Variants in GOLPH3 observed in about 807,000 individuals in gnomAD.
The protein encoded by GOLPH3 is coat protein GPP34.
A neutral mutation model predicts 28.5 loss-of-function variants in GOLPH3; 14 were observed. The observed-to-expected ratio is 0.49, with a 90% CI of 0.32 to 0.77. GOLPH3 has a LOEUF of 0.77. GOLPH3 is among the 30% of genes least tolerant of loss of function. The pLI is 0.03. For missense variants in GOLPH3, 350 were observed against 393.7 expected (o/e 0.89, Z 0.94); for synonymous variants, 158 against 159.2 (o/e 0.99, Z 0.06).
intron 1 of GOLPH3, among the ~76,000 whole-genome samples, chr5:32,171,034 C>A (rs1746822369): frequency 6.6e-6 from 1 of 152,090 alleles, no homozygotes; most frequent in Non-Finnish European, 1.5e-5. Flanking sequence ...ATAAACAGAA[C>A]ACATGGTTTC....
intron 3 of GOLPH3, among the ~76,000 whole-genome samples, 196 bp downstream of exon 3, chr5:32,135,376 T>C (rs73063728): frequency 0.023 from 3,432 of 152,350 alleles, 121 homozygotes; most frequent in African/African-American, 0.077. Context: ...TCGCATTCTA[T>C]ATCTGTTCAG....
At chr5:32,131,165 C>G (rs1166640978) in intron 3 of GOLPH3, among the ~76,000 whole-genome samples, 1 of 152,154 alleles carries the variant, frequency 6.6e-6, no homozygotes, top group Non-Finnish European at 1.5e-5. Context: ...TTCAGATCTC[C>G]TCAAGTATTA....
chr5:32,126,776 G>C, intron 3 of GOLPH3, 140 bp from the exon 4 acceptor site: 1 of 672,602 alleles, frequency 1.5e-6, no homozygotes, highest in East Asian at 2.7e-5. Context: ...TCCCTAACTA[G>C]ACCATGAACC....
chr5:32,164,156 T>C (rs1410864786), intron 1 of GOLPH3, among the ~76,000 whole-genome samples: 1 of 152,198 alleles, frequency 6.6e-6, no homozygotes, highest in African/African-American at 2.4e-5. Context: ...CCAAATTCTA[T>C]TGCAATAAAA....
Position 32,158,132 on chromosome 5 carries a change from T to TAAATAAAATAC in GOLPH3, c.226-14253_226-14252insGTATTTTATTT, listed in dbSNP as rs1308648161. 1.5e-3 allele frequency among the ~76,000 whole-genome samples: 52 copies of TAAATAAAATAC among 33,684 alleles called. 3 individuals carry two copies. The highest frequency in any genetic ancestry group is 6.1e-3 in the African/African-American group (51 of 8,322). 22.1% of individuals were successfully genotyped at this position (33,684 alleles called of 152,430 possible). A position where few individuals can be genotyped will look rare whatever the true frequency, so the allele number is the denominator to read the frequency against. The stretch of plus-strand genomic sequence containing the variant: ...TAAATAAATAAATAAATAAATAAAA[T>TAAATAAAATAC]ACACACACACACACACACACACACA... On this transcript the variant is annotated intron_variant, in intron 1 of 3. Coordinates refer to ENST00000265070, the MANE Select transcript of GOLPH3 (RefSeq NM_022130.4).
intron 1 of GOLPH3, among the ~76,000 whole-genome samples, chr5:32,155,937 C>A (rs1746411196): frequency 2.1e-5 from 2 of 95,886 alleles, no homozygotes; most frequent in African/African-American, 3.8e-5. Flanking sequence ...AGCCGGGCAA[C>A]AAGAGTGAAA....
At chr5:32,141,250 C>T (rs1331979239) in intron 2 of GOLPH3, among the ~76,000 whole-genome samples, 1 of 151,906 alleles carries the variant, frequency 6.6e-6, no homozygotes, top group Non-Finnish European at 1.5e-5. Context: ...ATGCATTCCG[C>T]TCTGATCTAA....
intron 2 of GOLPH3, among the ~76,000 whole-genome samples, chr5:32,136,810 A>T (rs1001503286): frequency 6.6e-6 from 1 of 152,208 alleles, no homozygotes; most frequent in African/African-American, 2.4e-5. Flanking sequence ...CCAAAATCTT[A>T]AACATTTCTG....
chr5:32,174,147 GGGCGA>G lies in GOLPH3; in HGVS notation c.-118_-114del. 1 of 671,698 alleles carries G rather than the reference GGGCGA, an allele frequency of 1.5e-6. No individual in the cohort carries two copies. The highest frequency in any genetic ancestry group is 2.1e-6 in the Non-Finnish European group (1 of 479,538). 41.6% of individuals were successfully genotyped at this position (671,698 alleles called of 1,614,324 possible). A position where few individuals can be genotyped will look rare whatever the true frequency, so the allele number is the denominator to read the frequency against. On this transcript the variant is annotated 5_prime_UTR_variant, in exon 1 of 4. It removes the in-frame stop codon of an upstream open reading frame in the 5' UTR. Coordinates refer to ENST00000265070, the MANE Select transcript of GOLPH3 (RefSeq NM_022130.4). ...GTTTCCGTGTTAAATCCGGACGCCGGGGCGACGTCCGTCGGCAGCAGGGCCGGGGG... is the reference window on the plus strand; with the variant it reads ...GTTTCCGTGTTAAATCCGGACGCCGGCGTCCGTCGGCAGCAGGGCCGGGGG...
chr5:32,169,305 G>A (rs1746781484), intron 1 of GOLPH3, among the ~76,000 whole-genome samples: 3 of 152,056 alleles, frequency 2.0e-5, no homozygotes, highest in Admixed American at 6.6e-5. Flanking sequence ...ACACTATGGG[G>A]AAACCCTAAA....
Position 32,143,897 on chromosome 5 carries a change from A to T in GOLPH3, c.226-17T>A. 1 of 1,478,674 alleles carries T rather than the reference A, an allele frequency of 6.8e-7. No individual in the cohort carries two copies. The highest frequency in any genetic ancestry group is 9.0e-7 in the Non-Finnish European group (1 of 1,111,168). 91.6% of individuals were successfully genotyped at this position (1,478,674 alleles called of 1,614,324 possible). On this transcript the variant is annotated splice_polypyrimidine_tract_variant and intron_variant, in intron 1 of 3. Transcript: ENST00000265070. ...TGTGTAACCCTATTAAAAAAAGAAG[A>T]AGAAATAAAACAAAATAGCTAATTT...
intron 2 of GOLPH3, among the ~76,000 whole-genome samples, chr5:32,142,808 C>T (rs1383166739): frequency 1.3e-5 from 2 of 148,270 alleles, no homozygotes; most frequent in Non-Finnish European, 3.0e-5. Context: ...GGCCAGCTGC[C>T]CCGTCCAGGA....
chr5:32,145,855 CA>C (rs1746171710), intron 1 of GOLPH3, among the ~76,000 whole-genome samples: 1 of 152,110 alleles, frequency 6.6e-6, no homozygotes, highest in Non-Finnish European at 1.5e-5. Flanking sequence ...TGGGAACGGA[CA>C]GTTCTGTACC....
intron 3 of GOLPH3, among the ~76,000 whole-genome samples, chr5:32,127,975 A>G (rs1336867777): frequency 6.6e-6 from 1 of 151,978 alleles, no homozygotes; most frequent in Non-Finnish European, 1.5e-5. Context: ...CAAGCAGAGC[A>G]CAGCAGTCCC....
At chr5:32,167,677 G>A (rs994199344) in intron 1 of GOLPH3, among the ~76,000 whole-genome samples, 5 of 152,080 alleles carry the variant, frequency 3.3e-5, no homozygotes, top group African/African-American at 9.7e-5. Flanking sequence ...CAGACCAGGC[G>A]TGGTGGCTCA....
Position 32,126,067 on chromosome 5 carries a change from C to T in GOLPH3, c.*145G>A, listed in dbSNP as rs376669710. ...GTACCAGCAGAATCCTGTACACGTACAAAAAAGAAAAAGCCACCCACCATT... is the reference window on the plus strand; with the variant it reads ...GTACCAGCAGAATCCTGTACACGTATAAAAAAGAAAAAGCCACCCACCATT... On this transcript the variant is annotated 3_prime_UTR_variant, in exon 4 of 4. Transcript: ENST00000265070. 24 of 838,528 alleles carry T rather than the reference C, an allele frequency of 2.9e-5. No individual in the cohort carries two copies. In the East Asian group the frequency reaches 3.5e-4, roughly 12 times the overall value. The allele number at this position is 838,528 out of a possible 1,614,324, so 51.9% of individuals were successfully genotyped here. A position where few individuals can be genotyped will look rare whatever the true frequency, so the allele number is the denominator to read the frequency against.
chr5:32,170,824 C>T (rs2111901938), intron 1 of GOLPH3, among the ~76,000 whole-genome samples: 1 of 151,974 alleles, frequency 6.6e-6, no homozygotes, highest in South Asian at 2.1e-4. Context: ...TAGGCTAATC[C>T]CTAAAACCAA....
rs2111830177 is a variant in GOLPH3 at position 32,126,286 on chromosome 5, C to G, written c.823G>C (p.Asp275His). Residue 275 changes from aspartate to histidine, a missense_variant, in exon 4 of 4, where the codon GAC becomes CAC. By Grantham distance (81) the Asp-to-His change is moderately conservative. Coordinates refer to ENST00000265070, the MANE Select transcript of GOLPH3 (RefSeq NM_022130.4). ...TKRVRQLLDL[D>H]PEVECLKANT... ...GCCTTCAGACATTCCACTTCAGGGT[C>G]TAAGTCGAGAAGCTGCCGCACTCTC... is the stretch of plus-strand genomic sequence containing the variant. 1 of 1,614,176 alleles carries G rather than the reference C, an allele frequency of 6.2e-7. No homozygotes were observed. Among genetic ancestry groups the G allele is most frequent in the Admixed American group, 1.7e-5 (1 of 60,026 alleles).
chr5:32,171,708 G>A (rs1402543827), intron 1 of GOLPH3, among the ~76,000 whole-genome samples: 2 of 152,092 alleles, frequency 1.3e-5, no homozygotes, highest in African/African-American at 4.8e-5. Context: ...AGCACTTTGG[G>A]AGGCCGAGGC....
Sources: gnomAD v4.1 joint callset for allele counts (sites outside exome capture counted in the v4.1 genomes callset) on GRCh38, gnomAD v4.1.1 for gene constraint, MANE v1.5 for transcripts, NCBI Gene and HGNC (gene_info 2026-07-23, HGNC 2026-07-21) for gene names.